Variants in DNAH1 observed in about 807,000 individuals in gnomAD.
DNAH1 encodes axonemal beta dynein heavy chain 1.
In DNAH1, 327 loss-of-function variants were observed where a neutral mutation model predicts 484.3. That is an observed-to-expected ratio of 0.68 (90% CI 0.62 to 0.74). DNAH1 has a LOEUF of 0.74. DNAH1 is among the 30% of genes least tolerant of loss of function. The probability of loss-of-function intolerance (pLI) is 0.00; values close to 1 mark genes in which losing one functional copy is unlikely to be tolerated. For missense variants in DNAH1, 5,052 were observed against 5,546.8 expected, an observed-to-expected ratio of 0.91 and a Z score of 2.83; for synonymous variants, 2,192 against 2,191.9, an observed-to-expected ratio of 1.00 and a Z score of 0.00.
rs1219854714 is a variant in DNAH1 at position 52,379,322 on chromosome 3, AG to A, written c.7377+544del. On this transcript the variant is annotated intron_variant, in intron 47 of 77. Coordinates refer to ENST00000420323, the MANE Select transcript of DNAH1 (RefSeq NM_015512.5). The surrounding 1 kb of genome is among the most constrained non-coding windows in gnomAD (Gnocchi z 4.4). ...CCCAGGCTAAGGAGATGGGGTGAGC[AG>A]GACAGAAGCTGACCCTGGCCTTGTA... 6.6e-6 allele frequency among the ~76,000 whole-genome samples: 1 copy of A among 152,222 alleles called. No individual in the cohort carries two copies. The highest frequency in any genetic ancestry group is 2.4e-5 in the African/African-American group (1 of 41,450).
intron 35 of DNAH1, 91 bp downstream of exon 35, chr3:52,366,639 C>T (rs563173583): frequency 6.4e-7 from 1 of 1,554,218 alleles, no homozygotes; most frequent in African/African-American, 1.4e-5. Flanking sequence ...ATTTGTGCCC[C>T]TTGGCATAGA....
chr3:52,336,109 C>T (rs1701735955), intron 8 of DNAH1, among the ~76,000 whole-genome samples: 1 of 152,160 alleles, frequency 6.6e-6, no homozygotes, highest in South Asian at 2.1e-4. Flanking sequence ...TGCAAAAGCT[C>T]TTGAATTAGG....
chr3:52,378,214 C>A (rs978894311), intron 46 of DNAH1, among the ~76,000 whole-genome samples: 1 of 151,934 alleles, frequency 6.6e-6, no homozygotes, highest in Admixed American at 6.6e-5. Flanking sequence ...ACTCCGGCAT[C>A]TTGAGGCCTA....
At chr3:52,331,626 T>C (rs1036555273) in intron 7 of DNAH1, among the ~76,000 whole-genome samples, 4 of 104,304 alleles carry the variant, frequency 3.8e-5, no homozygotes, top group African/African-American at 2.0e-4. Context: ...TTTCTTTTTT[T>C]TTTTTTTTTT....
intron 10 of DNAH1, 146 bp from the exon 11 acceptor site, chr3:52,346,326 G>T: frequency 3.6e-6 from 3 of 840,108 alleles, no homozygotes; most frequent in Non-Finnish European, 5.4e-6. Flanking sequence ...GGCAGGGCTT[G>T]GCAGTAAGTT....
chr3:52,364,995 A>T lies in DNAH1; in HGVS notation c.5494A>T (p.Asn1832Tyr). The change falls in exon 34 of 78, where the codon AAC becomes TAC. Residue 1832 changes from asparagine to tyrosine, a missense_variant. Around this residue, in one of 4 missense-constraint regions of DNAH1, gnomAD observed 2,929 missense variants for 3,409.4 expected, o/e 0.86. Coordinates refer to ENST00000420323, the MANE Select transcript of DNAH1 (RefSeq NM_015512.5). The surrounding 1 kb of genome is among the most constrained non-coding windows in gnomAD (Gnocchi z 4.2). ...LDEAIREACR[N>Y]SNLKDVEGFL... Reference sequence around the variant, plus strand: ...TGAGGCCATCCGCGAGGCCTGCAGGAACAGCAACCTCAAGGATGTGGAGGG... The same window carrying T: ...TGAGGCCATCCGCGAGGCCTGCAGGTACAGCAACCTCAAGGATGTGGAGGG... 1.2e-6 allele frequency: 2 copies of T among 1,612,714 alleles called. No homozygotes were observed. Among genetic ancestry groups the T allele is most frequent in the Non-Finnish European group, 1.7e-6 (2 of 1,178,944 alleles).
rs1422330982 is a variant in DNAH1, at chr3:52,394,450, C to A, written c.10627-15C>A. On this transcript the variant is annotated splice_polypyrimidine_tract_variant and intron_variant, in intron 66 of 77. Transcript: ENST00000420323. The stretch of plus-strand genomic sequence containing the variant: ...GCCAGGGCCTGGGCATCAGCCTCCT[C>A]CTGTCCCCTGCCAGAGTGAGTGGCG... 1 of 1,613,618 alleles carries A rather than the reference C, an allele frequency of 6.2e-7. No homozygotes were observed. The highest frequency in any genetic ancestry group is 1.7e-5 in the Admixed American group (1 of 59,976).
chr3:52,383,687 C>T (rs1703965360), intron 51 of DNAH1, 93 bp downstream of exon 51: 2 of 1,432,230 alleles, frequency 1.4e-6, no homozygotes, highest in Non-Finnish European at 9.3e-7. Context: ...TGCGCTGGGG[C>T]CTGAGATGAG....
intron 51 of DNAH1, 84 bp downstream of exon 51, chr3:52,383,678 G>A: frequency 6.9e-7 from 1 of 1,443,704 alleles, no homozygotes; most frequent in Non-Finnish European, 9.2e-7. Flanking sequence ...TGGATGCCAT[G>A]CGCTGGGGCC....
chr3:52,374,920 G>C (rs192212903), intron 44 of DNAH1: 1 of 790,990 alleles, frequency 1.3e-6, no homozygotes, highest in Non-Finnish European at 2.0e-6. Context: ...AAACGTCCAG[G>C]GTTACTTGAA....
intron 7 of DNAH1, 85 bp downstream of exon 7, chr3:52,331,394 T>G: frequency 2.8e-6 from 4 of 1,447,126 alleles, no homozygotes; most frequent in Non-Finnish European, 3.7e-6. Flanking sequence ...CCCAGGGCAC[T>G]GCCAGATCAG....
rs1703178619 is a variant in DNAH1 at position 52,368,528 on chromosome 3, G to A, written c.5766-213G>A. Among the ~76,000 whole-genome samples, 1 of 152,098 alleles carries A rather than the reference G, an allele frequency of 6.6e-6. No homozygotes were observed. The highest frequency in any genetic ancestry group is 2.1e-4 in the South Asian group (1 of 4,826). On this transcript the variant is annotated intron_variant, in intron 36 of 77. Coordinates refer to ENST00000420323, the MANE Select transcript of DNAH1 (RefSeq NM_015512.5). The surrounding 1 kb of genome is among the most constrained non-coding windows in gnomAD (Gnocchi z 4.4). ...TCCTGTTGGGATTTCACCTTTAATG[G>A]GGCTTCAGCAGGGCAGGGACATAAG...
chr3:52,365,676 C>A (rs1407577138), intron 34 of DNAH1, among the ~76,000 whole-genome samples: 1 of 152,176 alleles, frequency 6.6e-6, no homozygotes, highest in African/African-American at 2.4e-5. Flanking sequence ...GCAGGAGGAG[C>A]TCCTCTGGGA....
chr3:52,380,035 C>T lies in DNAH1; in HGVS notation c.7508C>T (p.Thr2503Ile), dbSNP rs1469687062. 1 of 1,599,836 alleles carries T rather than the reference C, an allele frequency of 6.3e-7. No homozygotes were observed. The highest frequency in any genetic ancestry group is 8.5e-7 in the Non-Finnish European group (1 of 1,173,324). The change falls in exon 48 of 78, where the codon ACC becomes ATC. Residue 2503 changes from threonine (T) to isoleucine (I), a missense_variant. This residue lies in a region of DNAH1 where 2,929 missense variants were observed against 3,409.4 expected (regional missense o/e 0.86). Coordinates refer to ENST00000420323, the MANE Select transcript of DNAH1 (RefSeq NM_015512.5). ...LKRCMEQWEV[T>I]FNKVCPFQPI... ...CGCTGCATGGAGCAGTGGGAGGTGA[C>T]CTTCAACAAGGTCTGCCCCTTCCAG...
At position 52,326,742 on chromosome 3, in the gene DNAH1, C is replaced by T; in HGVS notation, c.589C>T (p.Gln197Ter). ...PRKIEIERRK[Q>*]QYLSLDIEQL... ...CTCCCTGCCCTTGACCAGGAGGAAA[C>T]AGCAGTACCTGAGCCTGGACATTGA... Residue 197 changes from glutamine (Q) to a stop codon, truncating the protein, a stop_gained, in exon 5 of 78, where the codon CAG becomes TAG. Transcript: ENST00000420323. LOFTEE classifies it high-confidence loss of function. 1 of 1,611,948 alleles carries T rather than the reference C, an allele frequency of 6.2e-7. No individual in the cohort carries two copies. The highest frequency in any genetic ancestry group is 1.3e-5 in the African/African-American group (1 of 74,958).
At position 52,364,342 on chromosome 3, in the gene DNAH1, C is replaced by T. The variant is rs1344789265; in HGVS notation, c.5245-296C>T. On this transcript the variant is annotated intron_variant, in intron 32 of 77. Coordinates refer to ENST00000420323, the MANE Select transcript of DNAH1 (RefSeq NM_015512.5). This position sits in a 1 kb window ranked among gnomAD's most constrained non-coding sequence, Gnocchi z 4.2. ...AACTCCTTCATTCACTTTTCCAGCA[C>T]AACTAGAGGGCCCTCCTGCCCCTGG... 6.6e-6 allele frequency among the ~76,000 whole-genome samples: 1 copy of T among 152,232 alleles called. No homozygotes were observed. Among genetic ancestry groups the T allele is most frequent in the Non-Finnish European group, 1.5e-5 (1 of 68,030 alleles).
chr3:52,353,645 C>T lies in DNAH1; in HGVS notation c.3480+12C>T. 1 of 1,560,602 alleles carries T rather than the reference C, an allele frequency of 6.4e-7. No homozygotes were observed. Among genetic ancestry groups the T allele is most frequent in the South Asian group, 1.2e-5 (1 of 84,944 alleles). The stretch of plus-strand genomic sequence containing the variant: ...ACGCCATCGAGCAGGTGGGTAGCCA[C>T]CAGCGGGCCCAGCCACTCCAGCCAG... On this transcript the variant is annotated intron_variant, in intron 20 of 77. Coordinates refer to ENST00000420323, the MANE Select transcript of DNAH1 (RefSeq NM_015512.5). This position sits in a 1 kb window ranked among gnomAD's most constrained non-coding sequence, Gnocchi z 5.0.
intron 1 of DNAH1, among the ~76,000 whole-genome samples, chr3:52,320,570 C>T (rs1034613897): frequency 6.6e-6 from 1 of 152,194 alleles, no homozygotes; most frequent in Non-Finnish European, 1.5e-5. Flanking sequence ...GGCCACCCAC[C>T]CCACTCCTCA....
intron 1 of DNAH1, among the ~76,000 whole-genome samples, chr3:52,318,092 C>G (rs185967163): frequency 8.5e-5 from 13 of 152,354 alleles, no homozygotes; most frequent in African/African-American, 3.1e-4. Context: ...CGCTCTGTCG[C>G]CCAGGCTGGA....
Sources: allele counts gnomAD v4.1 joint callset (sites outside exome capture counted in the v4.1 genomes callset), GRCh38; gene constraint gnomAD v4.1.1; regional missense constraint gnomAD v4.1.1; non-coding constraint Gnocchi (gnomAD v3.1); transcripts MANE v1.5; gene names NCBI Gene and HGNC (gene_info 2026-07-23, HGNC 2026-07-21).